Variants in CASP8 observed in about 807,000 individuals in gnomAD.
CASP8 encodes caspase 8, also known as caspase-8.
CASP8 carries 24 observed loss-of-function variants against 46.3 expected under a neutral mutation model. That is an observed-to-expected ratio of 0.52 (90% CI 0.38 to 0.73). The LOEUF is 0.73. Ranked by LOEUF, CASP8 falls within the 30% of genes least tolerant of loss-of-function variation. CASP8 has a pLI of 0.00. For missense variants in CASP8, 460 were observed against 559.0 expected, an observed-to-expected ratio of 0.82 and a Z score of 1.79; for synonymous variants, 188 against 200.4, an observed-to-expected ratio of 0.94 and a Z score of 0.52.
At position 201,272,177 on chromosome 2, in the gene CASP8, A is replaced by T. The variant is rs1948307365; in HGVS notation, c.412-461A>T. Among the ~76,000 whole-genome samples the T allele has an allele frequency of 6.6e-6, 1 of 151,004 alleles. No individual in the cohort carries two copies. Among genetic ancestry groups the T allele is most frequent in the Admixed American group, 6.6e-5 (1 of 15,162 alleles). ...ATTGTATTTATGCCCCTGTGTGTGT[A>T]TCACTGAGTATACTCTGTGTGTGTT... On this transcript the variant is annotated intron_variant, in intron 3 of 8. Transcript: ENST00000673742. This position sits in a 1 kb window ranked among gnomAD's most constrained non-coding sequence, Gnocchi z 4.4.
intron 7 of CASP8, among the ~76,000 whole-genome samples, chr2:201,279,537 T>C (rs1948864075): frequency 6.6e-6 from 1 of 152,356 alleles, no homozygotes; most frequent in Admixed American, 6.5e-5. Flanking sequence ...CATCTTGCTA[T>C]GAAATCCCTC....
intron 2 of CASP8, among the ~76,000 whole-genome samples, chr2:201,244,564 T>TA (rs956797973): frequency 2.0e-5 from 3 of 148,382 alleles, no homozygotes; most frequent in Non-Finnish European, 4.5e-5. Context: ...CTCTGATGAC[T>TA]AAAAAAAAAA....
At chr2:201,245,945 G>A (rs556590582) in intron 2 of CASP8, among the ~76,000 whole-genome samples, 3 of 140,822 alleles carry the variant, frequency 2.1e-5, no homozygotes, top group Non-Finnish European at 3.0e-5. Context: ...TCGGCTCACC[G>A]CAACCTCTAC....
chr2:201,282,764 G>A (rs1949176211), intron 7 of CASP8, among the ~76,000 whole-genome samples: 1 of 82,854 alleles, frequency 1.2e-5, no homozygotes, highest in Admixed American at 9.7e-5. Flanking sequence ...CAGTAGGGGC[G>A]GCCCGGCAGA....
chr2:201,234,149 G>A (rs185393671), intron 2 of CASP8: 14 of 152,572 alleles, frequency 9.2e-5, no homozygotes, highest in African/African-American at 3.1e-4. Flanking sequence ...TTGGGGGAAA[G>A]AGAAGTGGTG....
chr2:201,280,598 T>C (rs1183210345), intron 7 of CASP8, among the ~76,000 whole-genome samples: 1 of 152,182 alleles, frequency 6.6e-6, no homozygotes, highest in Non-Finnish European at 1.5e-5. Flanking sequence ...TAAAGACTCA[T>C]ACAGGGGCTC....
chr2:201,256,431 G>T (rs1487158955), upstream of CASP8, among the ~76,000 whole-genome samples: 1 of 152,192 alleles, frequency 6.6e-6, no homozygotes, highest in African/African-American at 2.4e-5. Flanking sequence ...GCTGTGTCTG[G>T]CATACGCCAA....
chr2:201,238,666 C>T (rs1559327123), intron 2 of CASP8, among the ~76,000 whole-genome samples: 1 of 152,186 alleles, frequency 6.6e-6, no homozygotes, highest in Non-Finnish European at 1.5e-5. Flanking sequence ...TGGTCTTGAA[C>T]TCCTGGCCTC....
chr2:201,279,500 A>G (rs1948861552), intron 7 of CASP8, among the ~76,000 whole-genome samples: 1 of 152,218 alleles, frequency 6.6e-6, no homozygotes, highest in Non-Finnish European at 1.5e-5. Flanking sequence ...GAGGTTTCCT[A>G]ATGAAATGAT....
chr2:201,257,255 G>T (rs914104809), upstream of CASP8, among the ~76,000 whole-genome samples: 10 of 151,692 alleles, frequency 6.6e-5, no homozygotes, highest in Non-Finnish European at 1.2e-4. Flanking sequence ...GCCAAGGCGG[G>T]TGGATTTCTT....
Position 201,285,002 on chromosome 2 carries a change from A to T in CASP8, c.989A>T (p.Glu330Val). Residue 330 changes from glutamate (E) to valine (V), a missense_variant, in exon 8 of 9, where the codon GAG becomes GTG. Transcript: ENST00000673742. ...ATCATCTATGGCACTGATGGACAGG[A>T]GGCCCCCATCTATGAGCTGACATCT... ...KGIIYGTDGQ[E>V]APIYELTSQF... 1 of 1,614,128 alleles carries T rather than the reference A, an allele frequency of 6.2e-7. No individual in the cohort carries two copies. Among genetic ancestry groups the T allele is most frequent in the South Asian group, 1.1e-5 (1 of 91,084 alleles).
At chr2:201,281,126 T>C (rs1244411355) in intron 7 of CASP8, among the ~76,000 whole-genome samples, 3 of 152,038 alleles carry the variant, frequency 2.0e-5, no homozygotes, top group East Asian at 1.9e-4. Flanking sequence ...CCAACCTGGC[T>C]AACATGGCGA....
intron 2 of CASP8, chr2:201,242,763 C>T (rs1161048046): frequency 1.3e-5 from 2 of 151,990 alleles, no homozygotes; most frequent in African/African-American, 2.4e-5. Context: ...CACCATACTT[C>T]CTGATTTCTA....
intron 2 of CASP8, among the ~76,000 whole-genome samples, chr2:201,253,157 GAC>G (rs1559336947): frequency 6.6e-6 from 1 of 151,812 alleles, no homozygotes; most frequent in Non-Finnish European, 1.5e-5. Context: ...CACCACACCC[GAC>G]TAATTTTTTT....
chr2:201,273,042 G>A, intron 5 of CASP8, 100 bp downstream of exon 5: 1 of 954,452 alleles, frequency 1.0e-6, no homozygotes, highest in Admixed American at 2.1e-5. Flanking sequence ...ATCTTAACGT[G>A]CCTGCTCTAC....
At chr2:201,261,058 C>T (rs1249160293) in intron 1 of CASP8, among the ~76,000 whole-genome samples, 3 of 152,138 alleles carry the variant, frequency 2.0e-5, no homozygotes, top group Non-Finnish European at 2.9e-5. Flanking sequence ...CACACAAACA[C>T]ACCCATGTGG....
chr2:201,254,859 G>A (rs1008483750), intron 2 of CASP8, among the ~76,000 whole-genome samples: 1 of 152,198 alleles, frequency 6.6e-6, no homozygotes, highest in Non-Finnish European at 1.5e-5. Flanking sequence ...TCTGTGCTGG[G>A]CAGGAGCCAG....
intron 2 of CASP8, chr2:201,269,377 T>C: frequency 1.5e-6 from 1 of 658,644 alleles, no homozygotes; most frequent in Non-Finnish European, 2.8e-6. Flanking sequence ...ATAGCTTTGG[T>C]TTACTAGCAT....
In CASP8 at chr2:201,276,983, A is replaced by C. The variant is rs769860856; in HGVS notation, c.802+15A>C. On this transcript the variant is annotated intron_variant, in intron 7 of 8. Transcript: ENST00000673742. The stretch of plus-strand genomic sequence containing the variant: ...CTTGGATGCAGGTACAGTAGAACCC[A>C]AAAGAGAAAAGTAAAATATTTCTTA... The C allele has an allele frequency of 1.3e-6, 2 of 1,581,688 alleles. No individual in the cohort carries two copies.
Sources: allele counts gnomAD v4.1 joint callset (sites outside exome capture counted in the v4.1 genomes callset), GRCh38; gene constraint gnomAD v4.1.1; non-coding constraint Gnocchi (gnomAD v3.1); transcripts MANE v1.5; gene names NCBI Gene and HGNC (gene_info 2026-07-23, HGNC 2026-07-21).